The following ITSN1 variants were observed in gnomAD, a reference collection of about 807,000 sequenced individuals.
The protein encoded by ITSN1 is intersectin 1, also known as intersectin-1.
Under a neutral mutation model 239.8 loss-of-function variants are expected in ITSN1, and 58 were observed. That is an observed-to-expected ratio of 0.24 (90% CI 0.20 to 0.30). The LOEUF (loss-of-function observed/expected upper bound fraction) is 0.30, where lower values mean the gene tolerates loss of function less well. Among genes scored for constraint, ITSN1 ranks in the 10% least tolerant of loss-of-function variants. The probability of loss-of-function intolerance (pLI) is 1.00; values close to 1 mark genes in which losing one functional copy is unlikely to be tolerated. For missense variants in ITSN1, 1,558 were observed against 2,103.3 expected (o/e 0.74, Z 5.07); for synonymous variants, 780 against 770.8 (o/e 1.01, Z -0.20).
intron 14 of ITSN1, among the ~76,000 whole-genome samples, chr21:33,778,135 ATGGTAT>A (rs755007260): frequency 2.0e-5 from 3 of 152,220 alleles, no homozygotes; most frequent in Non-Finnish European, 4.4e-5. Context: ...ACTCTTGGTC[ATGGTAT>A]ATTACCCTTT....
At chr21:33,877,321 T>C (rs1984104190) in intron 34 of ITSN1, among the ~76,000 whole-genome samples, 1 of 152,146 alleles carries the variant, frequency 6.6e-6, no homozygotes, top group African/African-American at 2.4e-5. Context: ...CCCAAAGTGC[T>C]GGGATTACAG....
intron 1 of ITSN1, among the ~76,000 whole-genome samples, chr21:33,670,480 C>T (rs144638067): frequency 7.5e-4 from 113 of 151,316 alleles, no homozygotes; most frequent in African/African-American, 2.4e-3. Context: ...TAATGAAAAT[C>T]GCTTTTTTTT....
In ITSN1 at chr21:33,898,872, A is replaced by C. The variant is rs1016041558; in HGVS notation, c.*10572A>C. On this transcript the variant is annotated 3_prime_UTR_variant, in exon 40 of 40. Coordinates refer to ENST00000381318, the MANE Select transcript of ITSN1 (RefSeq NM_003024.3). Reference sequence around the variant, plus strand: ...AGTATGGGAAGCTGTGATTTCTGGAAGCTTCCTGGAATCTATTTAGGTGCA... The same window carrying C: ...AGTATGGGAAGCTGTGATTTCTGGACGCTTCCTGGAATCTATTTAGGTGCA... 15 of 152,352 alleles carry C rather than the reference A, an allele frequency of 9.8e-5. No homozygotes were observed. The highest frequency in any genetic ancestry group is 3.4e-3 in the Middle Eastern group (1 of 294). The allele number at this position is 152,352 out of a possible 1,614,324, so 9.4% of individuals were successfully genotyped here.
chr21:33,832,305 C>T (rs2074340578), intron 27 of ITSN1, among the ~76,000 whole-genome samples: 1 of 152,222 alleles, frequency 6.6e-6, no homozygotes, highest in Admixed American at 6.5e-5. Flanking sequence ...CTCCCCTGAG[C>T]TCCAGCACTG....
At chr21:33,659,705 C>CTTTTTTTTTTTTTTTTTTTTTTTTTTT (rs71194859) in intron 1 of ITSN1, among the ~76,000 whole-genome samples, 3 of 76,608 alleles carry the variant, frequency 3.9e-5, no homozygotes, top group African/African-American at 5.6e-5. Flanking sequence ...GCAGCCTGTA[C>CTTTTTTTTTTTTTTTTTTTTTTTTTTT]TTTTTTTTTT....
At chr21:33,807,300 T>G (rs535348300) in intron 20 of ITSN1, among the ~76,000 whole-genome samples, 1 of 152,114 alleles carries the variant, frequency 6.6e-6, no homozygotes. Context: ...CTGGGTGTTA[T>G]CAGTTTACTG....
chr21:33,838,537 C>A, intron 29 of ITSN1: 2 of 879,950 alleles, frequency 2.3e-6, no homozygotes, highest in Non-Finnish European at 2.7e-6. Flanking sequence ...TGGAACCTGG[C>A]AGTGGTGGTG....
chr21:33,850,232 A>G (rs1171404857), intron 29 of ITSN1, among the ~76,000 whole-genome samples: 1 of 152,162 alleles, frequency 6.6e-6, no homozygotes, highest in African/African-American at 2.4e-5. Context: ...GCTTATTTGG[A>G]GTTACATTGG....
At chr21:33,710,152 C>T (rs1422979798) in intron 1 of ITSN1, among the ~76,000 whole-genome samples, 2 of 150,010 alleles carry the variant, frequency 1.3e-5, no homozygotes, top group African/African-American at 4.9e-5. Context: ...GATCTCGGCT[C>T]ACTGCAAGCT....
At chr21:33,846,413 T>C (rs1000255982) in intron 29 of ITSN1, among the ~76,000 whole-genome samples, 13 of 152,228 alleles carry the variant, frequency 8.5e-5, no homozygotes, top group African/African-American at 3.1e-4. Flanking sequence ...CCTCCCCAGT[T>C]AGACTGTGAG....
chr21:33,715,907 A>AC (rs2065108676), intron 1 of ITSN1, among the ~76,000 whole-genome samples: 1 of 152,130 alleles, frequency 6.6e-6, no homozygotes, highest in Non-Finnish European at 1.5e-5. Context: ...ACGGAGTGAG[A>AC]CTCTGTCTCA....
chr21:33,788,798 G>A (rs888058385), intron 16 of ITSN1, among the ~76,000 whole-genome samples: 1 of 152,096 alleles, frequency 6.6e-6, no homozygotes, highest in Middle Eastern at 3.2e-3. Context: ...CAGTTTTAAT[G>A]CATCGAGAAT....
chr21:33,846,241 C>T (rs571355819), intron 29 of ITSN1, among the ~76,000 whole-genome samples: 1 of 152,278 alleles, frequency 6.6e-6, no homozygotes, highest in African/African-American at 2.4e-5. Flanking sequence ...CTTTGCCCCA[C>T]CTCCCCTGCC....
At chr21:33,687,297 C>G (rs2091291537) in intron 1 of ITSN1, among the ~76,000 whole-genome samples, 1 of 147,300 alleles carries the variant, frequency 6.8e-6, no homozygotes, top group South Asian at 2.2e-4. Context: ...ACTCGGGAGG[C>G]TGTGGCACGA....
At chr21:33,845,423 C>A (rs565523392) in intron 29 of ITSN1, among the ~76,000 whole-genome samples, 2 of 152,268 alleles carry the variant, frequency 1.3e-5, no homozygotes, top group East Asian at 1.9e-4. Flanking sequence ...CAGCTTCCCC[C>A]ACGCTGCAGG....
intron 5 of ITSN1, among the ~76,000 whole-genome samples, chr21:33,747,657 A>G (rs1164661092): frequency 3.3e-5 from 5 of 152,250 alleles, no homozygotes; most frequent in African/African-American, 4.8e-5. Flanking sequence ...ATTGAAAACA[A>G]TGGAGGTTAG....
At chr21:33,785,613 C>A (rs1439906275) in intron 16 of ITSN1, among the ~76,000 whole-genome samples, 1 of 152,100 alleles carries the variant, frequency 6.6e-6, no homozygotes, top group Non-Finnish European at 1.5e-5. Flanking sequence ...GATAGAAATT[C>A]TCAAAGCATT....
At chr21:33,758,230 C>T (rs1051360548) in intron 8 of ITSN1, among the ~76,000 whole-genome samples, 9 of 152,040 alleles carry the variant, frequency 5.9e-5, no homozygotes, top group African/African-American at 2.2e-4. Context: ...CTCGGGGGAT[C>T]CTCCCACCTC....
intron 3 of ITSN1, 124 bp from the exon 4 acceptor site, chr21:33,722,464 C>T: frequency 8.4e-7 from 1 of 1,186,334 alleles, no homozygotes; most frequent in Non-Finnish European, 1.1e-6. Flanking sequence ...TTTTATAATG[C>T]ACTCAACTGG....
Sources: allele counts gnomAD v4.1 joint callset (sites outside exome capture counted in the v4.1 genomes callset), GRCh38; gene constraint gnomAD v4.1.1; transcripts MANE v1.5; gene names NCBI Gene and HGNC (gene_info 2026-07-23, HGNC 2026-07-21).